Variants in GAB4 observed in about 807,000 individuals in gnomAD.
GAB4 encodes the protein GRB2 associated binding protein family member 4, also known as GRB2-associated-binding protein 4.
A neutral mutation model predicts 51.3 loss-of-function variants in GAB4; 26 were observed. The ratio of observed to expected loss-of-function variants is 0.51; its 90% CI spans 0.37 to 0.70. The LOEUF (loss-of-function observed/expected upper bound fraction) is 0.70, where lower values mean the gene tolerates loss of function less well. Ranked by LOEUF, GAB4 falls within the 30% of genes least tolerant of loss-of-function variation. The pLI is 0.00. For missense variants in GAB4, 759 were observed against 734.6 expected, an observed-to-expected ratio of 1.03 and a Z score of -0.38; for synonymous variants, 329 against 291.2, an observed-to-expected ratio of 1.13 and a Z score of -1.32.
Position 16,962,745 on chromosome 22 carries a change from G to C in GAB4, c.1713C>G (p.Gly571=). ...CLRQSSEPPR[G]AKL is the part of the protein sequence containing the mutation. Reference sequence around the variant, plus strand: ...TTGGTGGCCCGAGTCACAGCTTGGCGCCCCTGGGAGGCTCTGAGGACTGCC... The same window carrying C: ...TTGGTGGCCCGAGTCACAGCTTGGCCCCCCTGGGAGGCTCTGAGGACTGCC... The change falls in exon 10 of 10, where the codon GGC becomes GGG. Residue 571 remains glycine (G), a synonymous_variant. Coordinates refer to ENST00000400588, the MANE Select transcript of GAB4 (RefSeq NM_001037814.1). 2 of 1,611,162 alleles carry C rather than the reference G, an allele frequency of 1.2e-6. No individual in the cohort carries two copies. Among genetic ancestry groups the C allele is most frequent in the Non-Finnish European group, 1.7e-6 (2 of 1,179,356 alleles).
intron 3 of GAB4, among the ~76,000 whole-genome samples, chr22:16,975,041 C>T (rs369234706): frequency 3.3e-5 from 5 of 152,304 alleles, no homozygotes; most frequent in Admixed American, 6.5e-5. Flanking sequence ...CGGGTGCCTA[C>T]ACCACCAGGG....
intron 1 of GAB4, among the ~76,000 whole-genome samples, chr22:17,000,333 G>A (rs1364013132): frequency 6.6e-6 from 1 of 152,100 alleles, no homozygotes; most frequent in Non-Finnish European, 1.5e-5. Flanking sequence ...TCCTGTATTG[G>A]GTGCATGTAT....
At position 16,988,140 on chromosome 22, in the gene GAB4, C is replaced by G. The variant is rs1309795854; in HGVS notation, c.506G>C (p.Ser169Thr). The change falls in exon 3 of 10, where the codon AGT becomes ACT. Residue 169 changes from serine (S) to threonine (T), a missense_variant. By Grantham distance (58) the Ser-to-Thr change is moderately conservative. Coordinates refer to ENST00000400588, the MANE Select transcript of GAB4 (RefSeq NM_001037814.1). ...AGCTGGAGAAGAGCAGAGGCCGTGA[C>G]TGGCTGAGGAAATGTTTCCCAGGAA... ...TGFLGNISSA[S>T]HGLCSSPAEP... 4 of 1,613,158 alleles carry G rather than the reference C, an allele frequency of 2.5e-6. No individual in the cohort carries two copies. The highest frequency in any genetic ancestry group is 3.4e-6 in the Non-Finnish European group (4 of 1,179,562).
At chr22:16,969,875 A>G (rs61738794) in intron 4 of GAB4, 68 bp downstream of exon 4, 45,768 of 1,580,284 alleles carry the variant, frequency 0.029, 833 homozygotes, top group Middle Eastern at 0.051. Context: ...GAACACCACT[A>G]TTGTTCACCA....
At position 16,969,942 on chromosome 22, in the gene GAB4, C is replaced by T. The variant is rs769082245; in HGVS notation, c.937+1G>A. 3.3e-5 allele frequency: 53 copies of T among 1,614,012 alleles called. No individual in the cohort carries two copies. The South Asian group carries it at 5.2e-4, about 16-fold the overall frequency. On this transcript the variant is annotated splice_donor_variant, in intron 4 of 9. Transcript: ENST00000400588. LOFTEE classifies it high-confidence loss of function. ...TCTGGGTGCCTTGAAGGGGTACACA[C>T]CCTCATTATCCGCCTCAGAGCCTGT... is the stretch of plus-strand genomic sequence containing the variant.
chr22:16,998,846 T>C (rs1381612764), intron 1 of GAB4, among the ~76,000 whole-genome samples: 2 of 152,210 alleles, frequency 1.3e-5, no homozygotes, highest in African/African-American at 4.8e-5. Context: ...GTTTTTAGCA[T>C]GAAGGGCTGT....
chr22:16,992,066 G>C lies in GAB4; in HGVS notation c.285C>G (p.Asn95Lys). The C allele has an allele frequency of 6.2e-7, 1 of 1,614,222 alleles. No individual in the cohort carries two copies. The highest frequency in any genetic ancestry group is 8.5e-7 in the Non-Finnish European group (1 of 1,180,020). ...CATCCAGCTGCTCACAGAGGTTCAG[G>C]TTGATGGTGCGCAGGGGCTTCTTGG... ...DGSKKPLRTI[N>K]LNLCEQLDVD... Residue 95 changes from asparagine to lysine, a missense_variant, in exon 2 of 10, where the codon AAC (asparagine) becomes AAG (lysine). By Grantham distance (94) the Asn-to-Lys change is moderately conservative. This residue lies in a region of GAB4 where 88 missense variants were observed against 151.3 expected (regional missense o/e 0.58). Transcript: ENST00000400588.
intron 1 of GAB4, among the ~76,000 whole-genome samples, chr22:17,004,052 C>T (rs1323291105): frequency 6.6e-6 from 1 of 152,146 alleles, no homozygotes; most frequent in Non-Finnish European, 1.5e-5. Context: ...CACCTCTATG[C>T]AAATAAACTA....
intron 3 of GAB4, among the ~76,000 whole-genome samples, chr22:16,980,840 A>G (rs1371006846): frequency 6.6e-6 from 1 of 152,206 alleles, no homozygotes; most frequent in African/African-American, 2.4e-5. Context: ...AAAAAGAATG[A>G]GTTCACGTCC....
chr22:16,969,989 A>T lies in GAB4; in HGVS notation c.891T>A (p.His297Gln), dbSNP rs1186938244. The change falls in exon 4 of 10, where the codon CAT becomes CAA. Residue 297 changes from histidine to glutamine, a missense_variant. By Grantham distance (24) the His-to-Gln change is conservative (BLOSUM62 0). Around this residue, in one of 3 missense-constraint regions of GAB4, gnomAD observed 588 missense variants for 510.2 expected, o/e 1.15. Transcript: ENST00000400588. ...CTGTGAGGCTGCCTCTGGTGTGGCC[A>T]TGGGAGGCCAGGCTCCAGGGGATTC... is the stretch of plus-strand genomic sequence containing the variant. ...THRIPWSLASHGHTRGSLTGS... is the reference protein window; with the variant it reads ...THRIPWSLASQGHTRGSLTGS... The T allele has an allele frequency of 6.2e-7, 1 of 1,614,154 alleles. No homozygotes were observed. Among genetic ancestry groups the T allele is most frequent in the South Asian group, 1.1e-5 (1 of 91,090 alleles).
Position 16,983,979 on chromosome 22 carries a change from CTG to C in GAB4, c.686+3979_686+3980del, listed in dbSNP as rs143555313. Among the ~76,000 whole-genome samples the C allele has an allele frequency of 4.5e-3, 680 of 152,232 alleles. 2 individuals carry two copies. The highest frequency in any genetic ancestry group is 0.02 in the South Asian group (95 of 4,826). Reference sequence around the variant, plus strand: ...GATTATATCAAGCTAAAAAGCTTTGCTGTATAGCAAAGGAAAAAATTAATAAG... The same window carrying C: ...GATTATATCAAGCTAAAAAGCTTTGCTATAGCAAAGGAAAAAATTAATAAG... On this transcript the variant is annotated intron_variant, in intron 3 of 9. Coordinates refer to ENST00000400588, the MANE Select transcript of GAB4 (RefSeq NM_001037814.1).
chr22:16,976,884 G>T (rs1022404644), intron 3 of GAB4, among the ~76,000 whole-genome samples: 14 of 152,194 alleles, frequency 9.2e-5, no homozygotes, highest in Non-Finnish European at 1.5e-4. Context: ...TTAAAGAAAA[G>T]AATTTTCAAC....
chr22:16,985,900 G>T (rs536259242), intron 3 of GAB4, among the ~76,000 whole-genome samples: 1 of 152,276 alleles, frequency 6.6e-6, no homozygotes, highest in East Asian at 1.9e-4. Context: ...TCCATAACAC[G>T]ACCTCCATAA....
At position 16,962,815 on chromosome 22, in the gene GAB4, T is replaced by G. The variant is rs374466820; in HGVS notation, c.1643A>C (p.Lys548Thr). Residue 548 changes from lysine to threonine, a missense_variant, in exon 10 of 10, where the codon AAG (lysine) becomes ACG (threonine). Around this residue, in one of 3 missense-constraint regions of GAB4, gnomAD observed 588 missense variants for 510.2 expected, o/e 1.15. Coordinates refer to ENST00000400588, the MANE Select transcript of GAB4 (RefSeq NM_001037814.1). ...KVDYVQVDLEKTQALQKTMHE... is the reference protein window; with the variant it reads ...KVDYVQVDLETTQALQKTMHE... ...CATGGTCTTCTGCAGGGCCTGGGTCTTCTCCAGATCCACCTGGACATAGTC... is the reference window on the plus strand; with the variant it reads ...CATGGTCTTCTGCAGGGCCTGGGTCGTCTCCAGATCCACCTGGACATAGTC... 2 of 1,613,792 alleles carry G rather than the reference T, an allele frequency of 1.2e-6. No homozygotes were observed. Among genetic ancestry groups the G allele is most frequent in the East Asian group, 2.2e-5 (1 of 44,870 alleles).
rs754429043 is a variant in GAB4 at position 16,966,192 on chromosome 22, G to T, written c.1196C>A (p.Pro399Gln). ...CLVRFDLLGS[P>Q]LTELSMHQDL... ...TTGGTGCATAGAAAGCTCTGTGAGT[G>T]GGGAGCCAAGCAGGTCAAAGCGAAC... The change falls in exon 6 of 10, where the codon CCA (proline) becomes CAA (glutamine). Residue 399 changes from proline (P) to glutamine (Q), a missense_variant. By Grantham distance (76) the Pro-to-Gln change is moderately conservative. Around this residue, in one of 3 missense-constraint regions of GAB4, gnomAD observed 588 missense variants for 510.2 expected, o/e 1.15. Transcript: ENST00000400588. 2.5e-6 allele frequency: 4 copies of T among 1,613,928 alleles called. No homozygotes were observed. The highest frequency in any genetic ancestry group is 2.5e-6 in the Non-Finnish European group (3 of 1,179,974).
At chr22:16,979,848 A>T (rs1351883631) in intron 3 of GAB4, among the ~76,000 whole-genome samples, 2 of 152,114 alleles carry the variant, frequency 1.3e-5, no homozygotes, top group Non-Finnish European at 2.9e-5. Context: ...AGACCTCAGA[A>T]ATCACCACAC....
chr22:16,999,433 T>G (rs1329642792), intron 1 of GAB4, among the ~76,000 whole-genome samples: 1 of 152,212 alleles, frequency 6.6e-6, no homozygotes, highest in Non-Finnish European at 1.5e-5. Flanking sequence ...TGCATAAAGG[T>G]GTTTATAGTA....
intron 1 of GAB4, among the ~76,000 whole-genome samples, chr22:16,999,541 A>G (rs935642659): frequency 1.3e-4 from 20 of 151,784 alleles, no homozygotes; most frequent in Admixed American, 7.2e-4. Flanking sequence ...TTTCTTCTTT[A>G]TTAGTCTTGC....
At chr22:16,981,935 C>T (rs1433155230) in intron 3 of GAB4, among the ~76,000 whole-genome samples, 1 of 152,146 alleles carries the variant, frequency 6.6e-6, no homozygotes, top group African/African-American at 2.4e-5. Flanking sequence ...TGATACACCA[C>T]ATTAATAGAT....
Sources: allele counts gnomAD v4.1 joint callset (sites outside exome capture counted in the v4.1 genomes callset), GRCh38; gene constraint gnomAD v4.1.1; regional missense constraint gnomAD v4.1.1; transcripts MANE v1.5; gene names NCBI Gene and HGNC (gene_info 2026-07-23, HGNC 2026-07-21).